COPE: variants seen among roughly 807,000 people sequenced by gnomAD.
COPE encodes coatomer subunit epsilon.
A neutral mutation model predicts 42.1 loss-of-function variants in COPE; 19 were observed. That is an observed-to-expected ratio of 0.45 (90% confidence interval 0.31 to 0.66). The LOEUF (loss-of-function observed/expected upper bound fraction) is 0.66. Among genes scored for constraint, COPE ranks in the 30% least tolerant of loss-of-function variants. The probability of loss-of-function intolerance (pLI) is 0.05; values close to 1 mark genes in which losing one functional copy is unlikely to be tolerated. For synonymous variants in COPE, 195 were observed against 181.3 expected, an observed-to-expected ratio of 1.08 and a Z score of -0.60; for missense variants, 402 against 416.1, an observed-to-expected ratio of 0.97 and a Z score of 0.30.
intron 3 of COPE, among the ~76,000 whole-genome samples, chr19:18,908,521 C>CTATT (rs368392329): frequency 6.8e-6 from 1 of 146,788 alleles, no homozygotes; most frequent in African/African-American, 2.5e-5. Flanking sequence ...CCCCATCTCT[C>CTATT]TTTTTTTTTT....
intron 2 of COPE, chr19:18,911,434 T>C: frequency 4.0e-6 from 1 of 248,050 alleles, no homozygotes; most frequent in Non-Finnish European, 8.2e-6. Flanking sequence ...AAGCAGGACA[T>C]GCCCCCAGCC....
intron 7 of COPE, among the ~76,000 whole-genome samples, chr19:18,901,267 G>A (rs185350756): frequency 6.1e-4 from 93 of 152,362 alleles, no homozygotes; most frequent in African/African-American, 2.1e-3. Context: ...GGTGAGTCAC[G>A]GAACGTGTCA....
At chr19:18,906,726 A>C in intron 4 of COPE, 1 of 484,464 alleles carries the variant, frequency 2.1e-6, no homozygotes, top group African/African-American at 2.0e-5. Flanking sequence ...GCCCTTGGGA[A>C]CAGAGGGTTG....
chr19:18,909,129 C>T (rs757306418), intron 3 of COPE, among the ~76,000 whole-genome samples: 16 of 152,252 alleles, frequency 1.1e-4, no homozygotes, highest in African/African-American at 2.9e-4. Flanking sequence ...GCCTGCTCTC[C>T]GGGGCTGCTT....
chr19:18,906,881 C>T (rs1028535834), intron 4 of COPE, 79 bp downstream of exon 4: 40 of 1,440,490 alleles, frequency 2.8e-5, no homozygotes, highest in Middle Eastern at 2.4e-4. Flanking sequence ...CGACAGCCAG[C>T]GAGGCCGTGC....
intron 1 of COPE, among the ~76,000 whole-genome samples, chr19:18,915,601 C>A (rs574191879): frequency 1.5e-4 from 23 of 152,328 alleles, no homozygotes; most frequent in Admixed American, 4.6e-4. Flanking sequence ...GCCACATCCA[C>A]CAAGGTCACC....
At chr19:18,917,860 A>G (rs2056868798) in intron 1 of COPE, among the ~76,000 whole-genome samples, 1 of 152,140 alleles carries the variant, frequency 6.6e-6, no homozygotes, top group African/African-American at 2.4e-5. Context: ...TAGGCAAGCT[A>G]AAAGCAGAGT....
intron 7 of COPE, among the ~76,000 whole-genome samples, chr19:18,902,860 TGCAGCCACCCTGGGCAG>T (rs1274486304): frequency 6.7e-6 from 1 of 149,584 alleles, no homozygotes; most frequent in Non-Finnish European, 1.5e-5. Flanking sequence ...AGGAGATGAC[TGCAGCCACCCTGGGCAG>T]GCAGCGCTCT....
chr19:18,911,161 T>G, intron 2 of COPE, 90 bp from the exon 3 acceptor site: 2 of 1,156,188 alleles, frequency 1.7e-6, no homozygotes, highest in Non-Finnish European at 2.6e-6. Flanking sequence ...AGACAGGAAG[T>G]CCCTGCCCCA....
chr19:18,906,411 C>A (rs528578877), intron 4 of COPE, among the ~76,000 whole-genome samples: 2 of 152,244 alleles, frequency 1.3e-5, no homozygotes, highest in Non-Finnish European at 2.9e-5. Flanking sequence ...AGATCCACAG[C>A]GACCATGAAA....
intron 3 of COPE, among the ~76,000 whole-genome samples, chr19:18,909,087 A>G (rs1263197268): frequency 6.6e-6 from 1 of 152,262 alleles, no homozygotes; most frequent in African/African-American, 2.4e-5. Context: ...CTGTGCAGCC[A>G]GATGAACGGA....
intron 7 of COPE, among the ~76,000 whole-genome samples, chr19:18,901,906 C>G (rs58569954): frequency 6.6e-6 from 1 of 152,158 alleles, no homozygotes; most frequent in Non-Finnish European, 1.5e-5. Context: ...CCAGGCTGGG[C>G]ACAGTGGCTC....
intron 3 of COPE, 92 bp from the exon 4 acceptor site, chr19:18,907,204 A>G: frequency 7.2e-7 from 1 of 1,389,592 alleles, no homozygotes; most frequent in East Asian, 2.4e-5. Context: ...AGGTCCAGAG[A>G]GGGTGAGCCA....
intron 7 of COPE, among the ~76,000 whole-genome samples, chr19:18,902,179 CAAAAAA>C (rs34747007): frequency 1.8e-5 from 2 of 108,160 alleles, no homozygotes; most frequent in Admixed American, 2.0e-4. Context: ...GACTCCATCT[CAAAAAA>C]AAAAAAAAAA....
Position 18,907,034 on chromosome 19 carries a change from G to A in COPE, c.369C>T (p.Ala123=), listed in dbSNP as rs753871199. Residue 123 remains alanine, a synonymous_variant, in exon 4 of 10, where the codon GCC becomes GCT. Coordinates refer to ENST00000262812, the MANE Select transcript of COPE (RefSeq NM_007263.4). The stretch of plus-strand genomic sequence containing the variant: ...TCTGGTCGTGGAGATAGATGGAGGC[G>A]GCCATGAGCAGGAAGGTGGTGTTGG... ...DVTNTTFLLM[A]ASIYLHDQNP... is the part of the protein sequence containing the mutation. The A allele has an allele frequency of 7.5e-6, 12 of 1,603,666 alleles. No individual in the cohort carries two copies. Among genetic ancestry groups the A allele is most frequent in the Admixed American group, 1.7e-5 (1 of 58,304 alleles).
intron 8 of COPE, 70 bp downstream of exon 8, chr19:18,900,311 G>T: frequency 7.8e-7 from 1 of 1,287,010 alleles, no homozygotes; most frequent in Non-Finnish European, 1.1e-6. Context: ...AGGGATTAGG[G>T]CCTGGACCCC....
At chr19:18,912,543 A>G (rs930117415) in intron 2 of COPE, among the ~76,000 whole-genome samples, 3 of 151,446 alleles carry the variant, frequency 2.0e-5, no homozygotes, top group Non-Finnish European at 4.4e-5. Flanking sequence ...TGGATCATGA[A>G]GTCAGGAGTT....
intron 5 of COPE, among the ~76,000 whole-genome samples, chr19:18,905,276 C>T (rs1601217183): frequency 6.6e-6 from 1 of 152,190 alleles, no homozygotes; most frequent in African/African-American, 2.4e-5. Flanking sequence ...CAGTTACAAG[C>T]TGGTCAAGTA....
intron 5 of COPE, 44 bp downstream of exon 5, chr19:18,905,532 T>C (rs371185259): frequency 1.3e-4 from 209 of 1,560,156 alleles, no homozygotes; most frequent in Non-Finnish European, 1.7e-4. Context: ...TGTGACGCTC[T>C]GGGCTGTGGC....
Sources: allele counts gnomAD v4.1 joint callset (sites outside exome capture counted in the v4.1 genomes callset), GRCh38; gene constraint gnomAD v4.1.1; transcripts MANE v1.5; gene names NCBI Gene and HGNC (gene_info 2026-07-23, HGNC 2026-07-21).